The following WWOX variants were observed in gnomAD, a reference collection of about 807,000 sequenced individuals.
The protein encoded by WWOX is WW domain containing oxidoreductase, also known as WW domain-containing oxidoreductase.
In WWOX, 69 loss-of-function variants were observed where a neutral mutation model predicts 46.2. That is an observed-to-expected ratio of 1.49 (90% CI 1.23 to 1.82). The LOEUF (loss-of-function observed/expected upper bound fraction) is 1.82. WWOX is among the 40% of genes most tolerant of loss of function. WWOX has a pLI of 0.00. For synonymous variants in WWOX, 359 were observed against 202.6 expected (o/e 1.77, Z -6.56); for missense variants, 919 against 542.6 (o/e 1.69, Z -6.89).
intron 8 of WWOX, among the ~76,000 whole-genome samples, chr16:78,521,398 G>T (rs1439813788): frequency 6.6e-6 from 1 of 152,048 alleles, no homozygotes; most frequent in Admixed American, 6.5e-5. Flanking sequence ...GGGTGGTGAT[G>T]GGGATATTCC....
chr16:78,640,939 C>A (rs1229150608), intron 8 of WWOX, among the ~76,000 whole-genome samples: 253 of 133,866 alleles, frequency 1.9e-3, no homozygotes, highest in Non-Finnish European at 2.0e-3. Flanking sequence ...ATTCTGTCTT[C>A]AAAAAAAAAA....
chr16:78,579,555 G>A (rs560853544), intron 8 of WWOX, among the ~76,000 whole-genome samples: 17 of 152,228 alleles, frequency 1.1e-4, no homozygotes, highest in South Asian at 2.1e-4. Flanking sequence ...GCTGTGGTGC[G>A]CCAGAGACTG....
intron 8 of WWOX, among the ~76,000 whole-genome samples, chr16:78,846,853 T>C (rs1351980452): frequency 6.6e-6 from 1 of 152,204 alleles, no homozygotes; most frequent in East Asian, 1.9e-4. Flanking sequence ...ATGCCTTCTA[T>C]TTTTTGGTGG....
chr16:78,760,708 T>C (rs1354537454), intron 8 of WWOX, among the ~76,000 whole-genome samples: 1 of 152,208 alleles, frequency 6.6e-6, no homozygotes, highest in African/African-American at 2.4e-5. Context: ...GCAAAGCTGC[T>C]GTGGGACATG....
chr16:78,223,930 T>C (rs573330523), intron 5 of WWOX, among the ~76,000 whole-genome samples: 2 of 152,252 alleles, frequency 1.3e-5, no homozygotes, highest in East Asian at 1.9e-4. Flanking sequence ...GAGGCCCAGA[T>C]GGAGTAAGTG....
chr16:78,242,773 C>G (rs1029308748), intron 5 of WWOX, among the ~76,000 whole-genome samples: 1 of 152,082 alleles, frequency 6.6e-6, no homozygotes. Flanking sequence ...TTTGGGAGGC[C>G]GAGGCAGGCA....
At position 79,211,727 on chromosome 16, in the gene WWOX, G is replaced by C. The variant is rs763482100; in HGVS notation, c.1176G>C (p.Glu392Asp). 5 of 1,614,248 alleles carry C rather than the reference G, an allele frequency of 3.1e-6. No homozygotes were observed. Among genetic ancestry groups the C allele is most frequent in the Non-Finnish European group, 4.2e-6 (5 of 1,180,046 alleles). Residue 392 changes from glutamate to aspartate, a missense_variant, in exon 9 of 9, where the codon GAG (glutamate) becomes GAC (aspartate). Physicochemically the swap from Glu to Asp is conservative, Grantham distance 45 (BLOSUM62 2). Coordinates refer to ENST00000566780, the MANE Select transcript of WWOX (RefSeq NM_016373.4). ...CCTCACCAGAAGCTCAGAGCGAAGA[G>C]ACGGCCCGGACCCTGTGGGCGCTCA... Reference protein sequence around the residue: ...CMPSPEAQSEETARTLWALSE... With the variant: ...CMPSPEAQSEDTARTLWALSE...
intron 8 of WWOX, among the ~76,000 whole-genome samples, chr16:78,630,329 C>T (rs182368796): frequency 4.6e-5 from 7 of 152,242 alleles, no homozygotes; most frequent in African/African-American, 1.7e-4. Flanking sequence ...TTTAGGAGGG[C>T]TGTCACCATT....
At chr16:78,893,873 C>G (rs919591068) in intron 8 of WWOX, among the ~76,000 whole-genome samples, 9 of 152,074 alleles carry the variant, frequency 5.9e-5, no homozygotes, top group African/African-American at 2.2e-4. Flanking sequence ...CAAGCTAGAA[C>G]ACAAGATTTT....
At chr16:79,049,222 G>C (rs1325567241) in intron 8 of WWOX, among the ~76,000 whole-genome samples, 2 of 152,184 alleles carry the variant, frequency 1.3e-5, no homozygotes, top group Non-Finnish European at 2.9e-5. Flanking sequence ...ATAATGAGTG[G>C]CTGTGGCTGT....
intron 5 of WWOX, among the ~76,000 whole-genome samples, chr16:78,226,973 A>G: frequency 6.6e-6 from 1 of 152,196 alleles, no homozygotes. Flanking sequence ...GTGAAAAAAT[A>G]AGCAAAAAAA....
chr16:78,942,485 C>T (rs886807291), intron 8 of WWOX, among the ~76,000 whole-genome samples: 13 of 151,986 alleles, frequency 8.6e-5, no homozygotes, highest in African/African-American at 3.1e-4. Flanking sequence ...AAGAAGAAGA[C>T]AGAAGAAAAA....
At chr16:78,815,812 C>T (rs2051314620) in intron 8 of WWOX, among the ~76,000 whole-genome samples, 1 of 152,196 alleles carries the variant, frequency 6.6e-6, no homozygotes, top group African/African-American at 2.4e-5. Context: ...CCTCCTCTTG[C>T]TGCTTGGCTG....
At chr16:79,158,781 A>G (rs1374737363) in intron 8 of WWOX, among the ~76,000 whole-genome samples, 6 of 152,172 alleles carry the variant, frequency 3.9e-5, no homozygotes. Context: ...TCCAGTTCTC[A>G]GCACTGTGCT....
rs1437422507 is a variant in WWOX at position 79,211,944 on chromosome 16, T to TTAAG, written c.*151_*154dup. On this transcript the variant is annotated 3_prime_UTR_variant, in exon 9 of 9. Coordinates refer to ENST00000566780, the MANE Select transcript of WWOX (RefSeq NM_016373.4). Reference sequence around the variant, plus strand: ...AGCAGTCACAACAGAGTGAAAAATCTTAAGTACCAATGGGAAGCAGGGAAT... The same window carrying TTAAG: ...AGCAGTCACAACAGAGTGAAAAATCTTAAGTAAGTACCAATGGGAAGCAGGGAAT... The TTAAG allele has an allele frequency of 5.9e-6, 9 of 1,537,150 alleles. No individual in the cohort carries two copies. The Admixed American group carries it at 5.9e-5, about 10-fold the overall frequency.
At position 78,438,517 on chromosome 16, in the gene WWOX, A is replaced by G. The variant is rs1472100539; in HGVS notation, c.1056+5765A>G. ...TAAATACATCCTTGCCAGAGTTCCC[A>G]GGTCCAAGCCGGTCCTTTGTGGACC... On this transcript the variant is annotated intron_variant, in intron 8 of 8. Coordinates refer to ENST00000566780, the MANE Select transcript of WWOX (RefSeq NM_016373.4). 2.0e-5 allele frequency among the ~76,000 whole-genome samples: 3 copies of G among 151,776 alleles called. No homozygotes were observed. The East Asian group carries it at 5.8e-4, about 29-fold the overall frequency.
At chr16:78,976,641 C>G (rs746467844) in intron 8 of WWOX, among the ~76,000 whole-genome samples, 44 of 152,194 alleles carry the variant, frequency 2.9e-4, no homozygotes, top group Non-Finnish European at 5.3e-4. Flanking sequence ...GAAGATAAGA[C>G]CATCTCTTGG....
At chr16:78,315,881 T>C (rs1449956136) in intron 5 of WWOX, among the ~76,000 whole-genome samples, 2 of 152,116 alleles carry the variant, frequency 1.3e-5, no homozygotes. Context: ...ACAGTAGATG[T>C]ATCTGTATTT....
At chr16:78,440,849 C>A (rs912348034) in intron 8 of WWOX, among the ~76,000 whole-genome samples, 1 of 152,130 alleles carries the variant, frequency 6.6e-6, no homozygotes, top group Non-Finnish European at 1.5e-5. Context: ...AAACTCCTGA[C>A]CTCAGGTGAT....
Sources: gnomAD v4.1 joint callset for allele counts (sites outside exome capture counted in the v4.1 genomes callset) on GRCh38, gnomAD v4.1.1 for gene constraint, MANE v1.5 for transcripts, NCBI Gene and HGNC (gene_info 2026-07-23, HGNC 2026-07-21) for gene names.